The following RIGI variants were observed in gnomAD, a reference collection of about 807,000 sequenced individuals.
RIGI encodes the protein antiviral innate immune response receptor RIG-I.
the RIGI span, chr9:32,485,289 T>TC: frequency 2.1e-6 from 3 of 1,460,700 alleles, no homozygotes; most frequent in East Asian, 2.3e-5. Flanking sequence ...ACTAGAGACG[T>TC]CAAAAAAAAA....
At chr9:32,525,279 C>T in the RIGI span, among the ~76,000 whole-genome samples, 2 of 152,162 alleles carry the variant, frequency 1.3e-5, no homozygotes, top group Non-Finnish European at 2.9e-5. Flanking sequence ...CCTCTTTGTT[C>T]AGTCCCCTAG....
the RIGI span, among the ~76,000 whole-genome samples, chr9:32,487,312 TAGAG>T: frequency 1.4e-4 from 21 of 152,308 alleles, no homozygotes; most frequent in South Asian, 4.1e-4. Context: ...AGAGCTCAGT[TAGAG>T]AGGCTAAAAA....
the RIGI span, among the ~76,000 whole-genome samples, chr9:32,522,510 A>G: frequency 6.6e-6 from 1 of 152,204 alleles, no homozygotes; most frequent in Non-Finnish European, 1.5e-5. Flanking sequence ...AGCAAAGCCA[A>G]TTAGGAGAGC....
the RIGI span, among the ~76,000 whole-genome samples, chr9:32,497,806 G>A: frequency 6.6e-6 from 1 of 152,140 alleles, no homozygotes; most frequent in South Asian, 2.1e-4. Context: ...TCTGCAAACA[G>A]ATTATTTTCC....
chr9:32,512,766 C>G, the RIGI span, among the ~76,000 whole-genome samples: 1 of 152,016 alleles, frequency 6.6e-6, no homozygotes, highest in Non-Finnish European at 1.5e-5. Flanking sequence ...ATTAGGAAAA[C>G]AGAAAGTCCA....
chr9:32,506,089 G>A, the RIGI span, among the ~76,000 whole-genome samples: 463 of 152,226 alleles, frequency 3.0e-3, 1 homozygote, highest in Middle Eastern at 6.8e-3. Flanking sequence ...GTGGTGGCTT[G>A]CACCCGTAAT....
At chr9:32,491,099 A>G in the RIGI span, among the ~76,000 whole-genome samples, 1 of 152,188 alleles carries the variant, frequency 6.6e-6, no homozygotes, top group Non-Finnish European at 1.5e-5. Context: ...GTAAAAGAAG[A>G]AAAAAAGATA....
the RIGI span, chr9:32,489,454 G>A: frequency 6.2e-7 from 1 of 1,603,620 alleles, no homozygotes; most frequent in Non-Finnish European, 8.5e-7. Context: ...AGACACTTCT[G>A]GAATACAAAA....
the RIGI span, chr9:32,459,419 T>A: frequency 2.5e-6 from 4 of 1,613,894 alleles, no homozygotes; most frequent in East Asian, 8.9e-5. Context: ...CTTTGCACTT[T>A]CTGCAGAGCA....
the RIGI span, among the ~76,000 whole-genome samples, chr9:32,489,872 C>T: frequency 6.6e-6 from 1 of 152,210 alleles, no homozygotes; most frequent in Non-Finnish European, 1.5e-5. Context: ...AGCAATAATG[C>T]TTTGTCGTTC....
the RIGI span, chr9:32,480,148 T>C: frequency 2.0e-6 from 3 of 1,518,290 alleles, no homozygotes; most frequent in Admixed American, 1.8e-5. Flanking sequence ...TTAAATGCAA[T>C]ACATGTTTGT....
At chr9:32,491,330 T>G in the RIGI span, 1 of 1,613,592 alleles carries the variant, frequency 6.2e-7, no homozygotes, top group East Asian at 2.2e-5. Flanking sequence ...CTCACTAAGA[T>G]TCTGGCATTC....
the RIGI span, among the ~76,000 whole-genome samples, chr9:32,455,460 T>TTAC: frequency 6.6e-6 from 1 of 152,018 alleles, no homozygotes; most frequent in African/African-American, 2.4e-5. Flanking sequence ...CAAACACTTA[T>TTAC]AAAACCATCA....
At chr9:32,457,796 G>A in the RIGI span, among the ~76,000 whole-genome samples, 1 of 152,194 alleles carries the variant, frequency 6.6e-6, no homozygotes, top group African/African-American at 2.4e-5. Context: ...CAATCCAAAG[G>A]ATACAGGGAA....
chr9:32,478,787 T>C, the RIGI span, among the ~76,000 whole-genome samples: 1 of 152,050 alleles, frequency 6.6e-6, no homozygotes, highest in Non-Finnish European at 1.5e-5. Context: ...CTCCAGCTCC[T>C]GAGCTCAAGT....
the RIGI span, among the ~76,000 whole-genome samples, chr9:32,499,328 T>TG: frequency 5.3e-5 from 8 of 149,668 alleles, no homozygotes; most frequent in South Asian, 2.1e-4. Flanking sequence ...TTTTTTTTTT[T>TG]TTTTTTTTTG....
chr9:32,458,364 G>A, the RIGI span, among the ~76,000 whole-genome samples: 15 of 152,130 alleles, frequency 9.9e-5, no homozygotes, highest in African/African-American at 3.6e-4. Flanking sequence ...GAAAACATAA[G>A]GTAGTAGGAA....
At chr9:32,461,363 A>C in the RIGI span, among the ~76,000 whole-genome samples, 1 of 152,220 alleles carries the variant, frequency 6.6e-6, no homozygotes, top group Non-Finnish European at 1.5e-5. Context: ...AGGAAGAAAG[A>C]ACACACTGAT....
At chr9:32,487,155 G>A in the RIGI span, among the ~76,000 whole-genome samples, 1 of 152,204 alleles carries the variant, frequency 6.6e-6, no homozygotes. Context: ...AAGGCTGAGT[G>A]AGCCCAGCTC....
Sources: gnomAD v4.1 joint callset for allele counts (sites outside exome capture counted in the v4.1 genomes callset) on GRCh38, gnomAD v4.1.1 for gene constraint, MANE v1.5 for transcripts, NCBI Gene and HGNC (gene_info 2026-07-23, HGNC 2026-07-21) for gene names.